RBM33: variants seen among roughly 807,000 people sequenced by gnomAD.
RBM33 encodes the protein RNA binding motif protein 33.
A neutral mutation model predicts 132.6 loss-of-function variants in RBM33; 28 were observed. The observed-to-expected ratio is 0.21, with a 90% confidence interval of 0.16 to 0.29. The LOEUF (loss-of-function observed/expected upper bound fraction) is 0.29, where lower values mean the gene tolerates loss of function less well. Ranked by LOEUF, RBM33 falls within the 10% of genes least tolerant of loss-of-function variation. The probability of loss-of-function intolerance (pLI) is 1.00; values close to 1 mark genes in which losing one functional copy is unlikely to be tolerated. For synonymous variants in RBM33, 634 were observed against 593.0 expected (o/e 1.07, Z -1.01); for missense variants, 1,291 against 1,518.5 (o/e 0.85, Z 2.49).
At chr7:155,771,915 T>A (rs1287536363) in intron 16 of RBM33, among the ~76,000 whole-genome samples, 2 of 152,028 alleles carry the variant, frequency 1.3e-5, no homozygotes, top group Non-Finnish European at 2.9e-5. Context: ...AATTTTTGAT[T>A]TTTTTTTGTG....
At chr7:155,677,654 G>A (rs1384329535) in intron 3 of RBM33, among the ~76,000 whole-genome samples, 1 of 152,130 alleles carries the variant, frequency 6.6e-6, no homozygotes, top group Non-Finnish European at 1.5e-5. Flanking sequence ...AGTCCTGTGC[G>A]ACTAAGAAGT....
At chr7:155,718,279 G>A in intron 8 of RBM33, 106 bp from the exon 9 acceptor site, 3 of 823,246 alleles carry the variant, frequency 3.6e-6, no homozygotes, top group Non-Finnish European at 6.3e-6. Flanking sequence ...TGTATTATAT[G>A]TCTGGTACGC....
intron 7 of RBM33, among the ~76,000 whole-genome samples, chr7:155,708,804 A>G (rs1207536990): frequency 6.6e-6 from 1 of 152,186 alleles, no homozygotes; most frequent in Non-Finnish European, 1.5e-5. Flanking sequence ...CTGTTACATC[A>G]TAAGCTTTCT....
rs1395042369 is a variant in RBM33 at position 155,776,311 on chromosome 7, T to C, written c.*1270T>C. 2 of 152,492 alleles carry C rather than the reference T, an allele frequency of 1.3e-5. No individual in the cohort carries two copies. Among genetic ancestry groups the C allele is most frequent in the African/African-American group, 4.8e-5 (2 of 41,458 alleles). The allele number at this position is 152,492 out of a possible 1,614,324, so 9.4% of individuals were successfully genotyped here. A position where few individuals can be genotyped will look rare whatever the true frequency, so the allele number is the denominator to read the frequency against. On this transcript the variant is annotated 3_prime_UTR_variant, in exon 18 of 18. Coordinates refer to ENST00000401878, the MANE Select transcript of RBM33 (RefSeq NM_053043.3). The surrounding 1 kb of genome is among the most constrained non-coding windows in gnomAD (Gnocchi z 4.0). ...GGCATACTCAGACATTTTAGCTACC[T>C]TTTATACCTACGATTTCATGTCACA...
rs1276439299 is a variant in RBM33, at chr7:155,776,373, T to G, written c.*1332T>G. ...AATTAAGGGAAATAGAAGCCCGTTC[T>G]TTCTTACTGCCCCTGGAGGGAGCAT... On this transcript the variant is annotated 3_prime_UTR_variant, in exon 18 of 18. Transcript: ENST00000401878. This position sits in a 1 kb window ranked among gnomAD's most constrained non-coding sequence, Gnocchi z 4.0. 1 of 152,286 alleles carries G rather than the reference T, an allele frequency of 6.6e-6. No individual in the cohort carries two copies. Among genetic ancestry groups the G allele is most frequent in the Non-Finnish European group, 1.5e-5 (1 of 68,052 alleles). The allele number at this position is 152,286 out of a possible 1,614,324, so 9.4% of individuals were successfully genotyped here.
At chr7:155,654,539 A>G (rs1325326041) in intron 1 of RBM33, among the ~76,000 whole-genome samples, 2 of 151,998 alleles carry the variant, frequency 1.3e-5, no homozygotes, top group South Asian at 2.1e-4. Context: ...TGTGCTTTCA[A>G]CTCACCTGAA....
At position 155,673,685 on chromosome 7, in the gene RBM33, T is replaced by TACACAC. The variant is rs1563137804; in HGVS notation, c.171+771_171+772insCACACA. Among the ~76,000 whole-genome samples, 369 of 135,430 alleles carry TACACAC rather than the reference T, an allele frequency of 2.7e-3. 72 individuals are homozygous for TACACAC. Among genetic ancestry groups the TACACAC allele is most frequent in the African/African-American group, 0.011 (344 of 32,404 alleles). 88.8% of individuals were successfully genotyped at this position (135,430 alleles called of 152,430 possible). ...ACATATACATACACACGTGTATATA[T>TACACAC]ATACACACATATATACATACACACG... On this transcript the variant is annotated intron_variant, in intron 3 of 17. Coordinates refer to ENST00000401878, the MANE Select transcript of RBM33 (RefSeq NM_053043.3).
At chr7:155,729,049 C>A (rs992247092) in intron 9 of RBM33, among the ~76,000 whole-genome samples, 3 of 152,202 alleles carry the variant, frequency 2.0e-5, no homozygotes, top group African/African-American at 7.2e-5. Flanking sequence ...ACTCACAGTT[C>A]CGCATGGCTG....
chr7:155,705,581 A>G (rs976202331), intron 6 of RBM33, among the ~76,000 whole-genome samples: 38 of 152,224 alleles, frequency 2.5e-4, no homozygotes, highest in Admixed American at 2.0e-4. Context: ...AGACTCTGGT[A>G]ATATTGAAAG....
chr7:155,656,771 T>G (rs1798503847), intron 1 of RBM33, among the ~76,000 whole-genome samples: 1 of 152,194 alleles, frequency 6.6e-6, no homozygotes, highest in African/African-American at 2.4e-5. Flanking sequence ...ATTTGTTTCT[T>G]AAGTTTGACT....
At position 155,673,768 on chromosome 7, in the gene RBM33, GCACACA is replaced by G. The variant is rs369116329; in HGVS notation, c.171+881_171+886del. ...CACGTGTATATACGCGCGCATGCGC[GCACACA>G]CACACACACACACACACACACACAC... On this transcript the variant is annotated intron_variant, in intron 3 of 17. Transcript: ENST00000401878. Among the ~76,000 whole-genome samples, 30 of 132,962 alleles carry G rather than the reference GCACACA, an allele frequency of 2.3e-4. 2 individuals are homozygous for G. The highest frequency in any genetic ancestry group is 8.6e-4 in the Admixed American group (12 of 13,874). The allele number at this position is 132,962 out of a possible 152,430, so 87.2% of individuals were successfully genotyped here.
At chr7:155,648,432 C>G (rs1798261097) in intron 1 of RBM33, among the ~76,000 whole-genome samples, 1 of 152,140 alleles carries the variant, frequency 6.6e-6, no homozygotes, top group Non-Finnish European at 1.5e-5. Context: ...TCCACTGTGT[C>G]AGTATGTAGT....
At chr7:155,645,158 T>C in intron 1 of RBM33, 1 of 424,396 alleles carries the variant, frequency 2.4e-6, no homozygotes, top group Admixed American at 4.5e-5. Flanking sequence ...TCCTCTACTT[T>C]GCAAGGCTGC....
At chr7:155,652,711 A>T (rs1009193531) in intron 1 of RBM33, among the ~76,000 whole-genome samples, 5 of 152,202 alleles carry the variant, frequency 3.3e-5, no homozygotes, top group Non-Finnish European at 7.3e-5. Context: ...TTTCCAGGTA[A>T]GGAGGTCATT....
At chr7:155,683,096 T>C (rs774397608) in intron 5 of RBM33, among the ~76,000 whole-genome samples, 13 of 152,228 alleles carry the variant, frequency 8.5e-5, no homozygotes, top group Non-Finnish European at 1.6e-4. Context: ...TAGTTCAATG[T>C]CTTTCTGTGA....
Position 155,775,373 on chromosome 7 carries a change from T to C in RBM33, c.*332T>C. On this transcript the variant is annotated 3_prime_UTR_variant, in exon 18 of 18. Transcript: ENST00000401878. ...TGACTCTATGATCGATCACAGTGACTTAGATTCAGGAAAGAACATTAACGT... is the reference window on the plus strand; with the variant it reads ...TGACTCTATGATCGATCACAGTGACCTAGATTCAGGAAAGAACATTAACGT... 1 of 462,754 alleles carries C rather than the reference T, an allele frequency of 2.2e-6. No individual in the cohort carries two copies. The highest frequency in any genetic ancestry group is 4.0e-6 in the Non-Finnish European group (1 of 250,380). The allele number at this position is 462,754 out of a possible 1,614,324, so 28.7% of individuals were successfully genotyped here.
rs1292304555 is a variant in RBM33, at chr7:155,776,020, G to A, written c.*979G>A. ...TGTTCATCAGCGGATGTTCACTCTG[G>A]CCTGCCGTTCCCCGTGGCATGCGGG... is the stretch of plus-strand genomic sequence containing the variant. On this transcript the variant is annotated 3_prime_UTR_variant, in exon 18 of 18. Coordinates refer to ENST00000401878, the MANE Select transcript of RBM33 (RefSeq NM_053043.3). The surrounding 1 kb of genome is among the most constrained non-coding windows in gnomAD (Gnocchi z 4.0). 1 of 149,998 alleles carries A rather than the reference G, an allele frequency of 6.7e-6. No individual in the cohort carries two copies. The highest frequency in any genetic ancestry group is 2.5e-5 in the African/African-American group (1 of 39,352). 9.3% of individuals were successfully genotyped at this position (149,998 alleles called of 1,614,324 possible).
At chr7:155,768,287 A>G (rs1052271440) in intron 16 of RBM33, among the ~76,000 whole-genome samples, 4 of 152,228 alleles carry the variant, frequency 2.6e-5, no homozygotes, top group South Asian at 2.1e-4. Context: ...TTGTGAGAAT[A>G]TGCTTGGAGT....
In RBM33 at chr7:155,665,318, C is replaced by A; in HGVS notation, c.122+65C>A. Reference sequence around the variant, plus strand: ...TCTCTCTCATTCTGACACTTGGCTCCTGAGGGATCTTTACTGAACGCAGCA... The same window carrying A: ...TCTCTCTCATTCTGACACTTGGCTCATGAGGGATCTTTACTGAACGCAGCA... On this transcript the variant is annotated intron_variant, in intron 2 of 17. Transcript: ENST00000401878. 3.5e-6 allele frequency: 5 copies of A among 1,435,736 alleles called. No homozygotes were observed. The South Asian group carries it at 4.6e-5, about 13-fold the overall frequency. 88.9% of individuals were successfully genotyped at this position (1,435,736 alleles called of 1,614,324 possible).
Sources: allele counts gnomAD v4.1 joint callset (sites outside exome capture counted in the v4.1 genomes callset), GRCh38; gene constraint gnomAD v4.1.1; non-coding constraint Gnocchi (gnomAD v3.1); transcripts MANE v1.5; gene names NCBI Gene and HGNC (gene_info 2026-07-23, HGNC 2026-07-21).